The following NRG3 variants were observed in gnomAD, a reference collection of about 807,000 sequenced individuals.
NRG3 encodes the protein pro-neuregulin-3, membrane-bound isoform.
A neutral mutation model predicts 66.9 loss-of-function variants in NRG3; 31 were observed. The ratio of observed to expected loss-of-function variants is 0.46; its 90% CI spans 0.35 to 0.63. The LOEUF is 0.63. Among genes scored for constraint, NRG3 ranks in the 20% least tolerant of loss-of-function variants. The pLI is 0.00. For missense variants in NRG3, 910 were observed against 878.9 expected (o/e 1.04, Z -0.45); for synonymous variants, 393 against 359.4 (o/e 1.09, Z -1.06).
intron 3 of NRG3, among the ~76,000 whole-genome samples, chr10:82,792,013 G>C (rs1454301726): frequency 6.6e-6 from 1 of 152,118 alleles, no homozygotes; most frequent in East Asian, 1.9e-4. Flanking sequence ...GGGGAAAGGG[G>C]GATGGAAATA....
intron 3 of NRG3, among the ~76,000 whole-genome samples, chr10:82,853,533 T>C (rs895845354): frequency 6.6e-6 from 1 of 152,026 alleles, no homozygotes; most frequent in African/African-American, 2.4e-5. Context: ...TATTCCTAAG[T>C]ATTTTTTTAT....
chr10:82,132,494 T>TATATATGATATATATATC lies in NRG3; in HGVS notation c.824-226239_824-226238insGATATATATATCATATAT, dbSNP rs1554831211. 5.0e-4 allele frequency among the ~76,000 whole-genome samples: 22 copies of TATATATGATATATATATC among 44,380 alleles called. 3 individuals are homozygous for TATATATGATATATATATC. Among genetic ancestry groups the TATATATGATATATATATC allele is most frequent in the Non-Finnish European group, 8.2e-4 (21 of 25,736 alleles). The allele number at this position is 44,380 out of a possible 152,430, so 29.1% of individuals were successfully genotyped here. ...ATATATATATGATATATATATATGA[T>TATATATGATATATATATC]ATATATATATCATATATATATGATA... On this transcript the variant is annotated intron_variant, in intron 1 of 8. Coordinates refer to ENST00000372141, the MANE Select transcript of NRG3 (RefSeq NM_001010848.4).
At chr10:82,135,279 T>A (rs1392599514) in intron 1 of NRG3, among the ~76,000 whole-genome samples, 1 of 152,170 alleles carries the variant, frequency 6.6e-6, no homozygotes, top group African/African-American at 2.4e-5. Context: ...TTTTTATCCT[T>A]GATCTTTGGT....
intron 2 of NRG3, among the ~76,000 whole-genome samples, chr10:82,474,433 A>C (rs1841570694): frequency 6.6e-6 from 1 of 152,224 alleles, no homozygotes; most frequent in Admixed American, 6.5e-5. Flanking sequence ...TTTAAAAAGA[A>C]GTAAACAAAT....
chr10:82,954,581 A>G (rs898028239), intron 5 of NRG3, among the ~76,000 whole-genome samples: 4 of 151,818 alleles, frequency 2.6e-5, no homozygotes, highest in Non-Finnish European at 5.9e-5. Flanking sequence ...AAAGGCAAAA[A>G]TGATAAAATG....
Position 82,835,649 on chromosome 10 carries a change from T to C in NRG3, c.1028-29762T>C, listed in dbSNP as rs115977923. ...GCTGACTAGATTTCATGACCCTCCA[T>C]CTTGTTCCTGTTCTGAGCTTTTATG... On this transcript the variant is annotated intron_variant, in intron 3 of 8. Coordinates refer to ENST00000372141, the MANE Select transcript of NRG3 (RefSeq NM_001010848.4). 7.5e-3 allele frequency among the ~76,000 whole-genome samples: 1,136 copies of C among 152,274 alleles called. 14 individuals carry two copies. The highest frequency in any genetic ancestry group is 0.026 in the African/African-American group (1,077 of 41,574).
intron 1 of NRG3, among the ~76,000 whole-genome samples, chr10:82,213,067 A>G (rs1237310531): frequency 6.7e-6 from 1 of 148,316 alleles, no homozygotes; most frequent in African/African-American, 2.6e-5. Flanking sequence ...CCAGCTTCCA[A>G]GCTTAGTGAA....
chr10:82,717,190 T>C (rs2057024335), intron 2 of NRG3, among the ~76,000 whole-genome samples: 1 of 152,112 alleles, frequency 6.6e-6, no homozygotes, highest in African/African-American at 2.4e-5. Flanking sequence ...GCTTTACATC[T>C]AGAAACAATT....
intron 2 of NRG3, among the ~76,000 whole-genome samples, chr10:82,594,723 C>T (rs995777164): frequency 2.0e-5 from 3 of 152,030 alleles, no homozygotes; most frequent in Admixed American, 2.0e-4. Context: ...TTGCCTCTTT[C>T]TCCATTCCTG....
intron 3 of NRG3, among the ~76,000 whole-genome samples, chr10:82,761,907 CTTCTTTCTTTCTTTCTCTTTCT>C (rs1427348517): frequency 2.3e-5 from 3 of 131,538 alleles, no homozygotes; most frequent in African/African-American, 8.6e-5. Context: ...TCCGTTCTTT[CTTCTTTCTTTCTTTCTCTTTCT>C]TTCTTTCTTT....
chr10:82,527,989 T>C (rs998005349), intron 2 of NRG3, among the ~76,000 whole-genome samples: 7 of 152,220 alleles, frequency 4.6e-5, no homozygotes, highest in African/African-American at 1.7e-4. Flanking sequence ...GTTGGATGTT[T>C]TGCAGCATCT....
intron 1 of NRG3, among the ~76,000 whole-genome samples, chr10:81,946,483 C>A (rs1359202952): frequency 6.6e-6 from 1 of 152,024 alleles, no homozygotes; most frequent in Non-Finnish European, 1.5e-5. Flanking sequence ...ATATTAATTG[C>A]CCCGGAAGGC....
At chr10:82,808,957 C>T (rs2061390379) in intron 3 of NRG3, among the ~76,000 whole-genome samples, 1 of 152,084 alleles carries the variant, frequency 6.6e-6, no homozygotes, top group South Asian at 2.1e-4. Flanking sequence ...TGGCTTGAGC[C>T]TTGAGGAATA....
At chr10:82,171,971 A>G (rs1166738984) in intron 1 of NRG3, among the ~76,000 whole-genome samples, 3 of 152,088 alleles carry the variant, frequency 2.0e-5, no homozygotes, top group African/African-American at 4.8e-5. Flanking sequence ...ACCAGGATTC[A>G]TTTACATCAG....
intron 1 of NRG3, among the ~76,000 whole-genome samples, chr10:82,270,699 G>T (rs2078546612): frequency 6.6e-6 from 1 of 152,048 alleles, no homozygotes; most frequent in Admixed American, 6.6e-5. Flanking sequence ...GATGGTAGCT[G>T]CTTAGAGAGA....
At chr10:82,017,178 C>T (rs1186348318) in intron 1 of NRG3, among the ~76,000 whole-genome samples, 2 of 152,018 alleles carry the variant, frequency 1.3e-5, no homozygotes, top group Admixed American at 6.6e-5. Flanking sequence ...AGTGAGAACA[C>T]GTGGTGTTCG....
chr10:82,374,629 C>G (rs1199499039), intron 2 of NRG3, among the ~76,000 whole-genome samples: 1 of 152,066 alleles, frequency 6.6e-6, no homozygotes, highest in African/African-American at 2.4e-5. Context: ...AGTGGTAGGT[C>G]TGGGGTGGGG....
chr10:82,862,457 A>G (rs1340897931), intron 3 of NRG3, among the ~76,000 whole-genome samples: 1 of 152,218 alleles, frequency 6.6e-6, no homozygotes, highest in Non-Finnish European at 1.5e-5. Flanking sequence ...TATGCTAATG[A>G]TACATATGAT....
At chr10:82,294,042 C>T (rs929125985) in intron 1 of NRG3, among the ~76,000 whole-genome samples, 8 of 152,040 alleles carry the variant, frequency 5.3e-5, no homozygotes, top group Non-Finnish European at 8.8e-5. Flanking sequence ...GCAAATGCCC[C>T]GCTTGTCCTC....
Sources: gnomAD v4.1 joint callset for allele counts (sites outside exome capture counted in the v4.1 genomes callset) on GRCh38, gnomAD v4.1.1 for gene constraint, MANE v1.5 for transcripts, NCBI Gene and HGNC (gene_info 2026-07-23, HGNC 2026-07-21) for gene names.